The following SLC8A1 variants were observed in gnomAD, a reference collection of about 807,000 sequenced individuals.
SLC8A1 encodes the protein solute carrier family 8 member A1.
SLC8A1 carries 18 observed loss-of-function variants against 68.3 expected under a neutral mutation model. The observed-to-expected ratio is 0.26, with a 90% CI of 0.18 to 0.39. The LOEUF (loss-of-function observed/expected upper bound fraction) is 0.39, where lower values mean the gene tolerates loss of function less well. Among genes scored for constraint, SLC8A1 ranks in the 10% least tolerant of loss-of-function variants. The pLI is 1.00. For missense variants in SLC8A1, 985 were observed against 1,156.7 expected (o/e 0.85, Z 2.15); for synonymous variants, 475 against 415.5 (o/e 1.14, Z -1.74).
At chr2:40,171,628 G>T (rs138109758) in intron 4 of SLC8A1, among the ~76,000 whole-genome samples, 2 of 152,282 alleles carry the variant, frequency 1.3e-5, no homozygotes, top group African/African-American at 4.8e-5. Context: ...TAGAGGAGAG[G>T]AAACAGGACA....
chr2:40,435,078 A>C (rs1343275765), intron 1 of SLC8A1, among the ~76,000 whole-genome samples: 1 of 152,142 alleles, frequency 6.6e-6, no homozygotes, highest in Non-Finnish European at 1.5e-5. Context: ...CTAACAGCCC[A>C]ATATATTGGA....
chr2:40,436,708 C>G (rs1190330075), intron 1 of SLC8A1, among the ~76,000 whole-genome samples: 1 of 152,032 alleles, frequency 6.6e-6, no homozygotes, highest in Non-Finnish European at 1.5e-5. Flanking sequence ...AGGCCCTACA[C>G]AAGGGAAAGA....
At chr2:40,284,681 C>A (rs2068036383) in intron 2 of SLC8A1, among the ~76,000 whole-genome samples, 1 of 149,750 alleles carries the variant, frequency 6.7e-6, no homozygotes, top group East Asian at 1.9e-4. Context: ...TACACACACA[C>A]AATTTCTCAT....
chr2:40,466,356 C>T (rs1397110429), intron 1 of SLC8A1, among the ~76,000 whole-genome samples: 1 of 152,142 alleles, frequency 6.6e-6, no homozygotes, highest in Non-Finnish European at 1.5e-5. Context: ...ACGATATACC[C>T]GTCAGGAAGC....
rs140150403 is a variant in SLC8A1, at chr2:40,295,401, C to T, written c.1809-117546G>A. ...TATAGGAGTGAGCCACCATGCCCTG[C>T]CAAAAAAGTAACATATTGAATGTAA... On this transcript the variant is annotated intron_variant, in intron 2 of 7. Coordinates refer to ENST00000406785, the Ensembl canonical transcript of SLC8A1. 3.2e-4 allele frequency among the ~76,000 whole-genome samples: 49 copies of T among 151,730 alleles called. 1 individual carries two copies. Among genetic ancestry groups the T allele is most frequent in the African/African-American group, 9.9e-4 (41 of 41,386 alleles).
At chr2:40,455,027 A>G (rs1702917781), upstream of SLC8A1, among the ~76,000 whole-genome samples, 1 of 152,240 alleles carries the variant, frequency 6.6e-6, no homozygotes, top group Non-Finnish European at 1.5e-5. Flanking sequence ...CTTGGAATTA[A>G]GAGTCACCGG....
At chr2:40,302,356 T>C (rs1395254743) in intron 2 of SLC8A1, among the ~76,000 whole-genome samples, 1 of 151,644 alleles carries the variant, frequency 6.6e-6, no homozygotes, top group African/African-American at 2.4e-5. Flanking sequence ...GTTACTTCCC[T>C]TAGAATAATA....
chr2:40,394,743 C>A (rs1473865073), intron 2 of SLC8A1, among the ~76,000 whole-genome samples: 1 of 151,792 alleles, frequency 6.6e-6, no homozygotes, highest in East Asian at 1.9e-4. Context: ...GTTTTTTCCT[C>A]CTTCTTTAAA....
intron 2 of SLC8A1, among the ~76,000 whole-genome samples, chr2:40,408,729 G>A (rs900955256): frequency 1.3e-5 from 2 of 152,128 alleles, no homozygotes; most frequent in African/African-American, 2.4e-5. Flanking sequence ...GTATTTCGAA[G>A]GGGCACCAGT....
intron 2 of SLC8A1, among the ~76,000 whole-genome samples, chr2:40,288,355 G>T (rs1372523343): frequency 1.3e-5 from 2 of 152,166 alleles, no homozygotes; most frequent in African/African-American, 4.8e-5. Context: ...AGGCTTCAGA[G>T]GGAATACTTG....
At chr2:40,293,243 T>G (rs2069670262) in intron 2 of SLC8A1, among the ~76,000 whole-genome samples, 1 of 152,136 alleles carries the variant, frequency 6.6e-6, no homozygotes, top group African/African-American at 2.4e-5. Context: ...CATCTAAAAG[T>G]CTCACAAAGG....
At chr2:40,111,760 T>C (rs1232029545) in exon 8 of SLC8A1, 2 of 152,132 alleles carry the variant, frequency 1.3e-5, no homozygotes, top group African/African-American at 4.8e-5. Context: ...CATATGAAAC[T>C]AAAAGAGAAA....
intron 2 of SLC8A1, among the ~76,000 whole-genome samples, chr2:40,425,764 T>C (rs528833031): frequency 6.6e-6 from 1 of 151,888 alleles, no homozygotes; most frequent in African/African-American, 2.4e-5. Context: ...TGGATCTGAC[T>C]GTATGGAAAT....
chr2:40,193,209 G>A (rs768006421), intron 2 of SLC8A1, among the ~76,000 whole-genome samples: 16 of 152,130 alleles, frequency 1.1e-4, no homozygotes, highest in Non-Finnish European at 2.1e-4. Context: ...TGGTGTGTAG[G>A]TGATTCAAGC....
chr2:40,500,811 T>C (rs1457390656), intron 1 of SLC8A1, among the ~76,000 whole-genome samples: 1 of 141,086 alleles, frequency 7.1e-6, no homozygotes, highest in Non-Finnish European at 1.5e-5. Context: ...TTTTTTTTTT[T>C]TTTTTTTTTT....
chr2:40,308,780 G>C (rs2073143453), intron 2 of SLC8A1, among the ~76,000 whole-genome samples: 1 of 152,172 alleles, frequency 6.6e-6, no homozygotes, highest in African/African-American at 2.4e-5. Context: ...TGGCTGATTA[G>C]CTCCACTGAG....
intron 1 of SLC8A1, among the ~76,000 whole-genome samples, chr2:40,445,155 T>TC (rs1457271785): frequency 2.6e-5 from 4 of 152,332 alleles, no homozygotes; most frequent in Middle Eastern, 6.8e-3. Context: ...ATATTTTTAT[T>TC]CCCATTTAAT....
At chr2:40,151,095 C>A (rs2043332886) in intron 6 of SLC8A1, among the ~76,000 whole-genome samples, 1 of 152,120 alleles carries the variant, frequency 6.6e-6, no homozygotes, top group Non-Finnish European at 1.5e-5. Context: ...CTTAAGAACA[C>A]TGAGAGAAAA....
In SLC8A1 at chr2:40,223,052, G is replaced by A. The variant is rs532716354; in HGVS notation, c.1809-45197C>T. Among the ~76,000 whole-genome samples, 29 of 152,174 alleles carry A rather than the reference G, an allele frequency of 1.9e-4. No homozygotes were observed. The South Asian group carries it at 6.0e-3, about 32-fold the overall frequency. On this transcript the variant is annotated intron_variant, in intron 2 of 7. Coordinates refer to ENST00000406785, the Ensembl canonical transcript of SLC8A1. The stretch of plus-strand genomic sequence containing the variant: ...CAAAGGATTATAAATCATGCTACTA[G>A]AAAGACACATGTACATGTATGTTTA...
Sources: gnomAD v4.1 joint callset for allele counts (sites outside exome capture counted in the v4.1 genomes callset) on GRCh38, gnomAD v4.1.1 for gene constraint, MANE v1.5 for transcripts, NCBI Gene and HGNC (gene_info 2026-07-23, HGNC 2026-07-21) for gene names.